The following RHCG variants were observed in gnomAD, a reference collection of about 807,000 sequenced individuals.
The protein encoded by RHCG is Rh family C glycoprotein, also known as ammonium transporter Rh type C.
In RHCG, 39 loss-of-function variants were observed where a neutral mutation model predicts 55.3. That is an observed-to-expected ratio of 0.70 (90% CI 0.55 to 0.92). The LOEUF (loss-of-function observed/expected upper bound fraction) is 0.92. RHCG is among the 40% of genes least tolerant of loss of function. The pLI, the probability that RHCG is intolerant of heterozygous loss-of-function variation, is 0.00. For synonymous variants in RHCG, 250 were observed against 246.8 expected (o/e 1.01, Z -0.12); for missense variants, 635 against 627.9 (o/e 1.01, Z -0.12).
At chr15:89,476,855 G>T in intron 8 of RHCG, 27 bp from the exon 9 acceptor site, 1 of 1,595,262 alleles carries the variant, frequency 6.3e-7, no homozygotes, top group Non-Finnish European at 8.6e-7. Context: ...ATTACAGGAT[G>T]TCAGGAAGTG....
chr15:89,486,830 G>C lies in RHCG; in HGVS notation c.340C>G (p.Gln114Glu). 3 of 1,603,642 alleles carry C rather than the reference G, an allele frequency of 1.9e-6. No homozygotes were observed. The highest frequency in any genetic ancestry group is 8.5e-7 in the Non-Finnish European group (1 of 1,172,274). ...ACGCCCACGACGATGTAGCGGTCTTGTAAGAAGTGGAACCAGCCCTGCATG... is the reference window on the plus strand; with the variant it reads ...ACGCCCACGACGATGTAGCGGTCTTCTAAGAAGTGGAACCAGCCCTGCATG... The part of the protein sequence containing the change: ...LLMQGWFHFL[Q>E]DRYIVVGVEN... Residue 114 changes from glutamine to glutamate, a missense_variant, in exon 2 of 11, where the codon CAA (glutamine) becomes GAA (glutamate). Transcript: ENST00000268122.
Position 89,477,974 on chromosome 15 carries a change from C to A in RHCG, c.838G>T (p.Val280Leu). ...ALHKKGKLDM[V>L]HIQNATLAGG... is the part of the protein sequence containing the mutation. ...GCGAGCGTGGCATTCTGGATGTGCA[C>A]CTGGGCAGGGCAGGCAGAGCAGGCA... The change falls in exon 6 of 11, where the codon GTG becomes TTG. Residue 280 changes from valine to leucine, a missense_variant and splice_region_variant. Transcript: ENST00000268122. The surrounding 1 kb of genome is among the most constrained non-coding windows in gnomAD (Gnocchi z 4.5). 6.2e-7 allele frequency: 1 copy of A among 1,605,074 alleles called. No homozygotes were observed. Among genetic ancestry groups the A allele is most frequent in the Non-Finnish European group, 8.5e-7 (1 of 1,174,126 alleles).
Position 89,474,949 on chromosome 15 carries a change from CATT to C in RHCG, c.1311+1803_1311+1805del, listed in dbSNP as rs1567224043. 5.1e-4 allele frequency among the ~76,000 whole-genome samples: 70 copies of C among 136,016 alleles called. 12 individuals are homozygous for C. Among genetic ancestry groups the C allele is most frequent in the Middle Eastern group, 3.7e-3 (1 of 268 alleles). 89.2% of individuals were successfully genotyped at this position (136,016 alleles called of 152,430 possible). A position where few individuals can be genotyped will look rare whatever the true frequency, so the allele number is the denominator to read the frequency against. On this transcript the variant is annotated intron_variant, in intron 9 of 10. Transcript: ENST00000268122. ...GCCTGCCTTCCTGCCTTCCTGCCTTCATTCATTCCTGCCTGCCTGCCTTCATTC... is the reference window on the plus strand; with the variant it reads ...GCCTGCCTTCCTGCCTTCCTGCCTTCCATTCCTGCCTGCCTGCCTTCATTC...
At chr15:89,481,297 A>G (rs536552879) in intron 3 of RHCG, among the ~76,000 whole-genome samples, 1 of 152,152 alleles carries the variant, frequency 6.6e-6, no homozygotes, top group Non-Finnish European at 1.5e-5. Flanking sequence ...TTAAAATGCA[A>G]AAATTAGCTG....
intron 1 of RHCG, among the ~76,000 whole-genome samples, chr15:89,491,357 C>T (rs1044881211): frequency 6.6e-6 from 1 of 152,246 alleles, no homozygotes; most frequent in African/African-American, 2.4e-5. Context: ...TCTCCTTGGG[C>T]ACCTCCCCAA....
At chr15:89,493,045 G>T (rs1339774516) in intron 1 of RHCG, among the ~76,000 whole-genome samples, 1 of 152,220 alleles carries the variant, frequency 6.6e-6, no homozygotes, top group African/African-American at 2.4e-5. Context: ...TGATGCACCC[G>T]AATGGGATCT....
intron 8 of RHCG, 91 bp downstream of exon 8, chr15:89,476,991 C>T: frequency 4.4e-6 from 7 of 1,587,048 alleles, no homozygotes; most frequent in Middle Eastern, 1.7e-4. Flanking sequence ...CCTGGGGGCT[C>T]AGGCTGACCT....
At chr15:89,483,476 G>A (rs1961305989) in intron 2 of RHCG, among the ~76,000 whole-genome samples, 1 of 152,100 alleles carries the variant, frequency 6.6e-6, no homozygotes, top group Non-Finnish European at 1.5e-5. Flanking sequence ...GCTGCTTGCA[G>A]ACAGCTTGGG....
At position 89,477,913 on chromosome 15, in the gene RHCG, A is replaced by G; in HGVS notation, c.899T>C (p.Met300Thr). 1 of 1,613,960 alleles carries G rather than the reference A, an allele frequency of 6.2e-7. No homozygotes were observed. Among genetic ancestry groups the G allele is most frequent in the Non-Finnish European group, 8.5e-7 (1 of 1,179,932 alleles). ...GATGAGGGCACCGTAAGGCATGAGC[A>G]TCATCTCAGCAGCGGTACCCACGGC... ...GVAVGTAAEM[M>T]LMPYGALIIG... The change falls in exon 6 of 11, where the codon ATG becomes ACG. Residue 300 changes from methionine to threonine, a missense_variant. Met to Thr is a moderately conservative substitution (Grantham distance 81, BLOSUM62 -1). Transcript: ENST00000268122. The surrounding 1 kb of genome is among the most constrained non-coding windows in gnomAD (Gnocchi z 4.5).
At chr15:89,472,079 A>C (rs1961048081) in intron 10 of RHCG, among the ~76,000 whole-genome samples, 1 of 152,168 alleles carries the variant, frequency 6.6e-6, no homozygotes. Flanking sequence ...CAATAATAAA[A>C]ACAGTAACAA....
intron 1 of RHCG, among the ~76,000 whole-genome samples, chr15:89,488,784 G>T (rs1056101364): frequency 2.7e-5 from 4 of 148,522 alleles, no homozygotes; most frequent in Non-Finnish European, 4.5e-5. Context: ...GGGGGGGGGG[G>T]AGTGCTATAA....
At chr15:89,483,254 T>G in intron 2 of RHCG, 37 bp from the exon 3 acceptor site, 1 of 1,468,234 alleles carries the variant, frequency 6.8e-7, no homozygotes, top group Non-Finnish European at 9.2e-7. Context: ...GCTGGGGCAA[T>G]AGCAAAAAGT....
At chr15:89,482,228 T>A (rs1596404942) in intron 3 of RHCG, among the ~76,000 whole-genome samples, 1 of 152,334 alleles carries the variant, frequency 6.6e-6, no homozygotes, top group Non-Finnish European at 1.5e-5. Flanking sequence ...TGAGCCACAG[T>A]GCCTGGCCTC....
chr15:89,491,768 A>G (rs1351124285), intron 1 of RHCG, among the ~76,000 whole-genome samples: 1 of 149,140 alleles, frequency 6.7e-6, no homozygotes, highest in Non-Finnish European at 1.5e-5. Context: ...CTTCATCTCA[A>G]AAAAATAAAA....
chr15:89,490,377 G>A (rs889741607), intron 1 of RHCG, among the ~76,000 whole-genome samples: 1 of 152,244 alleles, frequency 6.6e-6, no homozygotes, highest in East Asian at 1.9e-4. Context: ...TCCTGCCCCA[G>A]GGTGGTGCTC....
intron 1 of RHCG, among the ~76,000 whole-genome samples, chr15:89,496,025 C>T (rs1448579306): frequency 1.3e-5 from 2 of 152,172 alleles, no homozygotes; most frequent in Non-Finnish European, 2.9e-5. Flanking sequence ...ACAAGGGAGC[C>T]AGGTCATCCA....
In RHCG at chr15:89,480,324, T is replaced by C; in HGVS notation, c.607A>G (p.Asn203Asp). 6.2e-7 allele frequency: 1 copy of C among 1,614,160 alleles called. No homozygotes were observed. The highest frequency in any genetic ancestry group is 8.5e-7 in the Non-Finnish European group (1 of 1,180,012). The change falls in exon 4 of 11, where the codon AAC becomes GAC. Residue 203 changes from asparagine (N) to aspartate (D), a missense_variant. Coordinates refer to ENST00000268122, the MANE Select transcript of RHCG (RefSeq NM_016321.3). ...LTVTRILYRR[N>D]LEQSKERQNS... ...TGTCTCTCCTTGCTCTGCTCTAGGT[T>C]GCGTCGGTAGAGGATCCGGGTCACT... is the stretch of plus-strand genomic sequence containing the variant.
chr15:89,476,169 C>T (rs1160777059), intron 9 of RHCG, among the ~76,000 whole-genome samples: 3 of 152,052 alleles, frequency 2.0e-5, no homozygotes, highest in Non-Finnish European at 2.9e-5. Context: ...TGGGCTCAAG[C>T]GATCCTCCTG....
At position 89,480,398 on chromosome 15, in the gene RHCG, G is replaced by A. The variant is rs1179684594; in HGVS notation, c.533C>T (p.Ala178Val). Reference protein sequence around the residue: ...ILLNLLKVKDAGGSMTIHTFG... With the variant: ...ILLNLLKVKDVGGSMTIHTFG... ...TGTGTGGATGGTCATGGAGCCTCCT[G>A]CATCCTTCACCTGGGGTGCAAGGGG... is the stretch of plus-strand genomic sequence containing the variant. Residue 178 changes from alanine (A) to valine (V), a missense_variant, in exon 4 of 11, where the codon GCA becomes GTA. By Grantham distance (64) the Ala-to-Val change is moderately conservative. Transcript: ENST00000268122. 1 of 1,613,216 alleles carries A rather than the reference G, an allele frequency of 6.2e-7. No individual in the cohort carries two copies. Among genetic ancestry groups the A allele is most frequent in the Non-Finnish European group, 8.5e-7 (1 of 1,179,460 alleles).
Sources: gnomAD v4.1 joint callset for allele counts (sites outside exome capture counted in the v4.1 genomes callset) on GRCh38, gnomAD v4.1.1 for gene constraint, Gnocchi (gnomAD v3.1) non-coding constraint, MANE v1.5 for transcripts, NCBI Gene and HGNC (gene_info 2026-07-23, HGNC 2026-07-21) for gene names.